The following HSPA12A variants were observed in gnomAD, a reference collection of about 807,000 sequenced individuals.
HSPA12A encodes the protein heat shock 70 kDa protein 12A.
HSPA12A carries 28 observed loss-of-function variants against 69.2 expected under a neutral mutation model. The ratio of observed to expected loss-of-function variants is 0.40; its 90% confidence interval spans 0.30 to 0.55. The LOEUF is 0.55. HSPA12A is among the 20% of genes least tolerant of loss of function. The pLI is 0.38. For missense variants in HSPA12A, 686 were observed against 900.7 expected (o/e 0.76, Z 3.05); for synonymous variants, 345 against 370.5 (o/e 0.93, Z 0.79).
At chr10:116,760,819 A>G (rs1843952085) in intron 2 of HSPA12A, among the ~76,000 whole-genome samples, 2 of 152,202 alleles carry the variant, frequency 1.3e-5, no homozygotes, top group African/African-American at 4.8e-5. Context: ...TAGCTTATTT[A>G]TTCACATAAC....
At chr10:116,822,884 G>A (rs1845430757) in intron 2 of HSPA12A, among the ~76,000 whole-genome samples, 1 of 152,186 alleles carries the variant, frequency 6.6e-6, no homozygotes, top group Non-Finnish European at 1.5e-5. Context: ...AGGGAAAGGA[G>A]CTATTTCTGG....
intron 1 of HSPA12A, among the ~76,000 whole-genome samples, chr10:116,733,761 C>T (rs1554886105): frequency 6.6e-6 from 1 of 152,148 alleles, no homozygotes. Context: ...TGAGGCTCCA[C>T]CCCATATCGG....
chr10:116,790,949 C>T (rs1844690399), intron 2 of HSPA12A, among the ~76,000 whole-genome samples: 1 of 152,226 alleles, frequency 6.6e-6, no homozygotes, highest in African/African-American at 2.4e-5. Flanking sequence ...CCTTGGCCTC[C>T]CAATGTGCTG....
chr10:116,842,742 A>T (rs1360602355), intron 1 of HSPA12A, among the ~76,000 whole-genome samples: 1 of 152,130 alleles, frequency 6.6e-6, no homozygotes, highest in African/African-American at 2.4e-5. Context: ...AGCTGGGATT[A>T]CAGGCACCCA....
At chr10:116,737,988 C>T (rs1369485090) in intron 1 of HSPA12A, among the ~76,000 whole-genome samples, 2 of 152,214 alleles carry the variant, frequency 1.3e-5, no homozygotes, top group African/African-American at 4.8e-5. Context: ...CAGTGGCAGG[C>T]GCTCACTCAT....
intron 2 of HSPA12A, among the ~76,000 whole-genome samples, chr10:116,766,553 C>A (rs1253634411): frequency 6.6e-6 from 1 of 152,186 alleles, no homozygotes; most frequent in Non-Finnish European, 1.5e-5. Context: ...CAGAGACTGC[C>A]TGGTCCCCTT....
intron 2 of HSPA12A, among the ~76,000 whole-genome samples, chr10:116,767,163 C>T (rs1334568442): frequency 1.3e-5 from 2 of 152,164 alleles, no homozygotes; most frequent in Admixed American, 1.3e-4. Flanking sequence ...CTCCTCTCCT[C>T]ATTGGCCTGG....
upstream of HSPA12A, among the ~76,000 whole-genome samples, chr10:116,742,789 G>C (rs1851559537): frequency 6.6e-6 from 1 of 151,856 alleles, no homozygotes; most frequent in African/African-American, 2.4e-5. Flanking sequence ...TCCCGGCTTC[G>C]GGACCGAGCG....
At chr10:116,766,915 G>A (rs1368250282) in intron 2 of HSPA12A, among the ~76,000 whole-genome samples, 9 of 152,166 alleles carry the variant, frequency 5.9e-5, no homozygotes, top group Admixed American at 4.6e-4. Context: ...CTGGGTTTGC[G>A]TCCACCAGTC....
In HSPA12A at chr10:116,710,793, C is replaced by T. The variant is rs1288622391; in HGVS notation, c.41-3508G>A. 1.3e-5 allele frequency among the ~76,000 whole-genome samples: 2 copies of T among 152,092 alleles called. No homozygotes were observed. The highest frequency in any genetic ancestry group is 4.8e-5 in the African/African-American group (2 of 41,416). The stretch of plus-strand genomic sequence containing the variant: ...TTCCAAATCAAAGATAATTCACCAG[C>T]GAATGTCCATCAGTACAGCACAGAA... On this transcript the variant is annotated intron_variant, in intron 1 of 11. Coordinates refer to ENST00000369209, the MANE Select transcript of HSPA12A (RefSeq NM_025015.3). The surrounding 1 kb of genome is among the most constrained non-coding windows in gnomAD (Gnocchi z 4.1).
intron 2 of HSPA12A, among the ~76,000 whole-genome samples, chr10:116,773,341 T>C (rs1192439418): frequency 7.9e-5 from 12 of 152,154 alleles, no homozygotes; most frequent in Non-Finnish European, 4.4e-5. Context: ...CAACAGCAAA[T>C]TGCATTTCCT....
At chr10:116,816,118 G>A (rs1051107465) in intron 2 of HSPA12A, among the ~76,000 whole-genome samples, 8 of 152,168 alleles carry the variant, frequency 5.3e-5, no homozygotes, top group African/African-American at 1.7e-4. Context: ...CATGCTGGCC[G>A]CAGAGAGGAG....
At chr10:116,711,621 T>C (rs557776809) in intron 1 of HSPA12A, among the ~76,000 whole-genome samples, 1 of 152,086 alleles carries the variant, frequency 6.6e-6, no homozygotes, top group African/African-American at 2.4e-5. Context: ...GAGTCAATGT[T>C]TTCACATCAA....
chr10:116,822,826 A>G (rs1185244874), intron 2 of HSPA12A, among the ~76,000 whole-genome samples: 1 of 152,108 alleles, frequency 6.6e-6, no homozygotes, highest in Non-Finnish European at 1.5e-5. Context: ...AATCACTCTC[A>G]CTCCTAGACT....
chr10:116,698,742 G>A lies in HSPA12A; in HGVS notation c.442-3C>T. The A allele has an allele frequency of 1.2e-6, 2 of 1,609,248 alleles. No individual in the cohort carries two copies. Among genetic ancestry groups the A allele is most frequent in the Non-Finnish European group, 8.5e-7 (1 of 1,175,626 alleles). ...AGGTCTGTATCCATGGTGAGGTCCT[G>A]GTAGGAGGAAGAGGAACAATAGTAA... is the stretch of plus-strand genomic sequence containing the variant. On this transcript the variant is annotated splice_region_variant and splice_polypyrimidine_tract_variant and intron_variant, in intron 4 of 11. Transcript: ENST00000369209.
rs1285498910 is a variant in HSPA12A at position 116,742,389 on chromosome 10, C to T, written c.40+41G>A. The T allele has an allele frequency of 1.1e-5, 15 of 1,428,178 alleles. No individual in the cohort carries two copies. In the East Asian group the frequency reaches 3.6e-4, roughly 34 times the overall value. 88.5% of individuals were successfully genotyped at this position (1,428,178 alleles called of 1,614,324 possible). A position where few individuals can be genotyped will look rare whatever the true frequency, so the allele number is the denominator to read the frequency against. ...GCCAAGCGCGCCTCCTCCCTCCCTG[C>T]CCCGCCAGCCGCGGCCGCAGGACCC... On this transcript the variant is annotated intron_variant, in intron 1 of 11. Coordinates refer to ENST00000369209, the MANE Select transcript of HSPA12A (RefSeq NM_025015.3).
intron 1 of HSPA12A, among the ~76,000 whole-genome samples, chr10:116,733,905 AAGG>A (rs1164964123): frequency 1.3e-5 from 2 of 152,352 alleles, no homozygotes; most frequent in Middle Eastern, 3.4e-3. Context: ...ATTGTAAGTC[AAGG>A]AGCATCTGTT....
chr10:116,845,254 T>C (rs1487849065), intron 1 of HSPA12A, among the ~76,000 whole-genome samples: 2 of 152,220 alleles, frequency 1.3e-5, no homozygotes, highest in African/African-American at 2.4e-5. Flanking sequence ...AGTTATTATA[T>C]ATAACTACTA....
chr10:116,689,742 T>C (rs1554879925), intron 6 of HSPA12A, among the ~76,000 whole-genome samples: 1 of 151,392 alleles, frequency 6.6e-6, no homozygotes, highest in African/African-American at 2.4e-5. Context: ...ACGGTACAGG[T>C]TGGCAGGCTC....
Sources: allele counts gnomAD v4.1 joint callset (sites outside exome capture counted in the v4.1 genomes callset), GRCh38; gene constraint gnomAD v4.1.1; non-coding constraint Gnocchi (gnomAD v3.1); transcripts MANE v1.5; gene names NCBI Gene and HGNC (gene_info 2026-07-23, HGNC 2026-07-21).